Variants in SULF2 observed in about 807,000 individuals in gnomAD.
SULF2 encodes the protein extracellular sulfatase Sulf-2.
In SULF2, 52 loss-of-function variants were observed where a neutral mutation model predicts 107.7. The observed-to-expected ratio is 0.48, with a 90% CI of 0.39 to 0.61. SULF2 has a LOEUF of 0.61. SULF2 is among the 20% of genes least tolerant of loss of function. SULF2 has a pLI of 0.00. For synonymous variants in SULF2, 460 were observed against 464.3 expected, an observed-to-expected ratio of 0.99 and a Z score of 0.12; for missense variants, 993 against 1,177.3, an observed-to-expected ratio of 0.84 and a Z score of 2.29.
At chr20:47,754,134 C>A (rs7271092) in intron 2 of SULF2, among the ~76,000 whole-genome samples, 2 of 152,234 alleles carry the variant, frequency 1.3e-5, no homozygotes, top group South Asian at 2.1e-4. Context: ...CCGAACCCCC[C>A]AACCTTGCAA....
intron 11 of SULF2, among the ~76,000 whole-genome samples, chr20:47,669,796 T>C (rs1387735170): frequency 2.0e-5 from 3 of 152,182 alleles, no homozygotes; most frequent in Non-Finnish European, 4.4e-5. Flanking sequence ...TCAGCTACTT[T>C]TAGGTATTTT....
At chr20:47,682,098 C>T (rs901869495) in intron 7 of SULF2, among the ~76,000 whole-genome samples, 2 of 152,210 alleles carry the variant, frequency 1.3e-5, no homozygotes, top group East Asian at 1.9e-4. Flanking sequence ...GAGCCAAAGA[C>T]GGGCGTGATC....
intron 3 of SULF2, among the ~76,000 whole-genome samples, chr20:47,722,621 A>C (rs2089325020): frequency 6.6e-6 from 1 of 152,186 alleles, no homozygotes; most frequent in Admixed American, 6.5e-5. Flanking sequence ...GATGGGCAGC[A>C]AACAAAACAT....
At chr20:47,708,046 T>C (rs902432229) in intron 3 of SULF2, among the ~76,000 whole-genome samples, 2 of 152,190 alleles carry the variant, frequency 1.3e-5, no homozygotes, top group Non-Finnish European at 2.9e-5. Context: ...CCTGTATCCA[T>C]TCGGCAAGTG....
chr20:47,690,142 T>G lies in SULF2; in HGVS notation c.721A>C (p.Asn241His). Residue 241 changes from asparagine (N) to histidine (H), a missense_variant, in exon 5 of 21, where the codon AAC becomes CAC. Transcript: ENST00000688720. ...GAGGCTTACATGTGCTGAGATGCGTTTGGGAAGAGGCGTGAATATTGTGGG... is the reference window on the plus strand; with the variant it reads ...GAGGCTTACATGTGCTGAGATGCGTGTGGGAAGAGGCGTGAATATTGTGGG... ...SAPQYSRLFP[N>H]ASQHITPSYN... 1 of 1,504,948 alleles carries G rather than the reference T, an allele frequency of 6.6e-7. No homozygotes were observed. Among genetic ancestry groups the G allele is most frequent in the Non-Finnish European group, 8.9e-7 (1 of 1,120,182 alleles). 93.2% of individuals were successfully genotyped at this position (1,504,948 alleles called of 1,614,324 possible).
In SULF2 at chr20:47,675,182, GCCT is replaced by G. The variant is rs541526025; in HGVS notation, c.1380+1309_1380+1311del. Among the ~76,000 whole-genome samples, 55 of 152,248 alleles carry G rather than the reference GCCT, an allele frequency of 3.6e-4. No homozygotes were observed. In the South Asian group the frequency reaches 4.6e-3, roughly 13 times the overall value. ...CTCGTCGAGGGGCAAAGACTTCCTG[GCCT>G]CCTCATTTCACTCCTTTTAGCCCAG... is the stretch of plus-strand genomic sequence containing the variant. On this transcript the variant is annotated intron_variant, in intron 10 of 20. Transcript: ENST00000688720.
chr20:47,717,293 GCA>G (rs1469108690), intron 3 of SULF2, among the ~76,000 whole-genome samples: 1 of 152,130 alleles, frequency 6.6e-6, no homozygotes, highest in Non-Finnish European at 1.5e-5. Context: ...AGAAACTGAG[GCA>G]CAGAGAGGCA....
At chr20:47,669,550 C>G (rs1465151221) in intron 11 of SULF2, among the ~76,000 whole-genome samples, 4 of 152,220 alleles carry the variant, frequency 2.6e-5, no homozygotes, top group Non-Finnish European at 5.9e-5. Context: ...TCAGCCTGCT[C>G]TAGGCTGACT....
chr20:47,742,987 CTGT>C (rs1167522832), intron 2 of SULF2, among the ~76,000 whole-genome samples: 1 of 111,552 alleles, frequency 9.0e-6, no homozygotes, highest in Non-Finnish European at 1.7e-5. Flanking sequence ...TGGCTCCTAT[CTGT>C]TGGAGGCCTG....
At chr20:47,699,142 G>A (rs975235607) in intron 4 of SULF2, among the ~76,000 whole-genome samples, 3 of 152,070 alleles carry the variant, frequency 2.0e-5, no homozygotes, top group East Asian at 1.9e-4. Flanking sequence ...GTGTGTGTGT[G>A]CATTAATGAT....
rs548176977 is a variant in SULF2 at position 47,666,958 on chromosome 20, T to C, written c.1577-470A>G. ...AAATCTATAGCGGCAGAAAGAAGAT[T>C]GGTGATTGCCAGGGGCTGGGGGAGA... On this transcript the variant is annotated intron_variant, in intron 11 of 20. Coordinates refer to ENST00000688720, the MANE Select transcript of SULF2 (RefSeq NM_001387048.1). This position sits in a 1 kb window ranked among gnomAD's most constrained non-coding sequence, Gnocchi z 5.4. Among the ~76,000 whole-genome samples the C allele has an allele frequency of 5.9e-5, 9 of 152,202 alleles. No individual in the cohort carries two copies. In the South Asian group the frequency reaches 1.5e-3, roughly 25 times the overall value.
In SULF2 at chr20:47,666,002, G is replaced by A. The variant is rs755144222; in HGVS notation, c.1806-49C>T. On this transcript the variant is annotated intron_variant, in intron 12 of 20. Coordinates refer to ENST00000688720, the MANE Select transcript of SULF2 (RefSeq NM_001387048.1). The surrounding 1 kb of genome is among the most constrained non-coding windows in gnomAD (Gnocchi z 5.4). ...GTGGCTCGGAGGTGGTGGAGGGGGAGCAGCCCAGGTGCCCAAGAGGTGTGG... is the reference window on the plus strand; with the variant it reads ...GTGGCTCGGAGGTGGTGGAGGGGGAACAGCCCAGGTGCCCAAGAGGTGTGG... The A allele has an allele frequency of 6.2e-7, 1 of 1,601,936 alleles. No individual in the cohort carries two copies. Among genetic ancestry groups the A allele is most frequent in the South Asian group, 1.1e-5 (1 of 90,778 alleles).
rs192796521 is a variant in SULF2, at chr20:47,708,607, A to G, written c.416-5937T>C. 7.2e-5 allele frequency among the ~76,000 whole-genome samples: 11 copies of G among 152,322 alleles called. No homozygotes were observed. In the East Asian group the frequency reaches 1.9e-3, roughly 27 times the overall value. ...CACCCCCTCAGTTTGCAGAAAAGTG[A>G]ACTGAAAGTCAGAGAAAAAGGCTTC... On this transcript the variant is annotated intron_variant, in intron 3 of 20. Transcript: ENST00000688720.
intron 3 of SULF2, among the ~76,000 whole-genome samples, chr20:47,728,131 C>T (rs1005631391): frequency 1.3e-5 from 2 of 152,114 alleles, no homozygotes; most frequent in African/African-American, 4.8e-5. Context: ...TGGAGAGGCT[C>T]TGCTGTCCCC....
At chr20:47,710,442 G>A (rs1387514983) in intron 3 of SULF2, among the ~76,000 whole-genome samples, 4 of 151,836 alleles carry the variant, frequency 2.6e-5, no homozygotes, top group Non-Finnish European at 4.4e-5. Context: ...ACATGCTGTA[G>A]GGGGGTTTGT....
Position 47,666,528 on chromosome 20 carries a change from A to G in SULF2, c.1577-40T>C, listed in dbSNP as rs1440244656. The G allele has an allele frequency of 2.6e-6, 4 of 1,551,720 alleles. No individual in the cohort carries two copies. Among genetic ancestry groups the G allele is most frequent in the Non-Finnish European group, 3.5e-6 (4 of 1,134,252 alleles). On this transcript the variant is annotated intron_variant, in intron 11 of 20. Transcript: ENST00000688720. This position sits in a 1 kb window ranked among gnomAD's most constrained non-coding sequence, Gnocchi z 5.4. ...GGAGTGGCAGAGTTAGGGAGGCAGG[A>G]AAGGCTGGCCAGGCTCCCAGGGCAG...
Position 47,694,202 on chromosome 20 carries a change from G to A in SULF2, c.568-3907C>T, listed in dbSNP as rs1417151708. Among the ~76,000 whole-genome samples, 1 of 152,228 alleles carries A rather than the reference G, an allele frequency of 6.6e-6. No homozygotes were observed. Among genetic ancestry groups the A allele is most frequent in the Admixed American group, 6.5e-5 (1 of 15,286 alleles). On this transcript the variant is annotated intron_variant, in intron 4 of 20. Transcript: ENST00000688720. The surrounding 1 kb of genome is among the most constrained non-coding windows in gnomAD (Gnocchi z 4.4). ...GCTTCAGCCATGCCCTGTTCTCTCT[G>A]AGGGAGAGAACAGGAGGCCTGGGCC...
rs370071129 is a variant in SULF2 at position 47,732,773 on chromosome 20, G to A, written c.415+3930C>T. ...CAGGAGAATCGCTTGAACCCGGGAG[G>A]TGGAGGTTGCAGTGAGCTGAGATTA... On this transcript the variant is annotated intron_variant, in intron 3 of 20. Transcript: ENST00000688720. 6.6e-5 allele frequency among the ~76,000 whole-genome samples: 10 copies of A among 152,296 alleles called. No individual in the cohort carries two copies. The East Asian group carries it at 1.5e-3, about 24-fold the overall frequency.
chr20:47,657,543 G>GACAT lies in SULF2; in HGVS notation c.*815_*818dup, dbSNP rs1369015187. On this transcript the variant is annotated 3_prime_UTR_variant, in exon 21 of 21. Coordinates refer to ENST00000688720, the MANE Select transcript of SULF2 (RefSeq NM_001387048.1). ...CAAATACAGTTTCATCAAAACTTGG[G>GACAT]ACATACATCAACTTCATTTCTTTTC... The GACAT allele has an allele frequency of 6.6e-6, 1 of 151,942 alleles. No individual in the cohort carries two copies. Among genetic ancestry groups the GACAT allele is most frequent in the African/African-American group, 2.4e-5 (1 of 41,342 alleles). The allele number at this position is 151,942 out of a possible 1,614,324, so 9.4% of individuals were successfully genotyped here.
Sources: allele counts gnomAD v4.1 joint callset (sites outside exome capture counted in the v4.1 genomes callset), GRCh38; gene constraint gnomAD v4.1.1; non-coding constraint Gnocchi (gnomAD v3.1); transcripts MANE v1.5; gene names NCBI Gene and HGNC (gene_info 2026-07-23, HGNC 2026-07-21).